ACTL6B: variants seen among roughly 807,000 people sequenced by gnomAD.
The protein encoded by ACTL6B is actin-like protein 6B.
Under a neutral mutation model 63.3 loss-of-function variants are expected in ACTL6B, and 48 were observed. The observed-to-expected ratio is 0.76, with a 90% CI of 0.60 to 0.96. The LOEUF (loss-of-function observed/expected upper bound fraction) is 0.96. Among genes scored for constraint, ACTL6B ranks in the 50% least tolerant of loss-of-function variants. The pLI, the probability that ACTL6B is intolerant of heterozygous loss-of-function variation, is 0.00. For missense variants in ACTL6B, 350 were observed against 572.2 expected (o/e 0.61, Z 3.96); for synonymous variants, 230 against 223.8 (o/e 1.03, Z -0.25).
rs936971098 is a variant in ACTL6B, at chr7:100,650,266, T to C, written c.370-131A>G. The C allele has an allele frequency of 4.7e-5, 33 of 700,574 alleles. No homozygotes were observed. The African/African-American group carries it at 5.7e-4, about 12-fold the overall frequency. 43.4% of individuals were successfully genotyped at this position (700,574 alleles called of 1,614,324 possible). The stretch of plus-strand genomic sequence containing the variant: ...ACACATCCAAACACTTGCACACACA[T>C]ACACAACCTAAACACTCACACATAC... On this transcript the variant is annotated intron_variant, in intron 4 of 13. Coordinates refer to ENST00000160382, the MANE Select transcript of ACTL6B (RefSeq NM_016188.5).
chr7:100,646,406 G>A lies in ACTL6B; in HGVS notation c.1114-71C>T. The A allele has an allele frequency of 6.4e-7, 1 of 1,563,580 alleles. No homozygotes were observed. The highest frequency in any genetic ancestry group is 8.8e-7 in the Non-Finnish European group (1 of 1,141,228). On this transcript the variant is annotated intron_variant, in intron 12 of 13. Transcript: ENST00000160382. The surrounding 1 kb of genome is among the most constrained non-coding windows in gnomAD (Gnocchi z 6.1). Reference sequence around the variant, plus strand: ...GAAGGGACAGGGCTTGGGGGAGAGGGGAAGACTTGGGAAGCCACAGGGGCA... The same window carrying A: ...GAAGGGACAGGGCTTGGGGGAGAGGAGAAGACTTGGGAAGCCACAGGGGCA...
intron 4 of ACTL6B, among the ~76,000 whole-genome samples, chr7:100,654,712 G>A (rs1237073495): frequency 6.6e-6 from 1 of 151,680 alleles, no homozygotes; most frequent in African/African-American, 2.4e-5. Context: ...ATGTCGGGAG[G>A]CAGAGGCTGA....
At position 100,646,134 on chromosome 7, in the gene ACTL6B, A is replaced by G; in HGVS notation, c.1200+115T>C. On this transcript the variant is annotated intron_variant, in intron 13 of 13. Coordinates refer to ENST00000160382, the MANE Select transcript of ACTL6B (RefSeq NM_016188.5). The surrounding 1 kb of genome is among the most constrained non-coding windows in gnomAD (Gnocchi z 6.1). ...ACATTCATTGACTGACATTTCTCAA[A>G]ACTAAATGTTTGTTGAATGAATGAA... 1.0e-6 allele frequency: 1 copy of G among 990,502 alleles called. No homozygotes were observed. The highest frequency in any genetic ancestry group is 2.6e-5 in the East Asian group (1 of 38,118). 61.4% of individuals were successfully genotyped at this position (990,502 alleles called of 1,614,324 possible). A position where few individuals can be genotyped will look rare whatever the true frequency, so the allele number is the denominator to read the frequency against.
At position 100,646,898 on chromosome 7, in the gene ACTL6B, C is replaced by G; in HGVS notation, c.937-67G>C. 6.2e-7 allele frequency: 1 copy of G among 1,600,886 alleles called. No individual in the cohort carries two copies. Among genetic ancestry groups the G allele is most frequent in the Non-Finnish European group, 8.5e-7 (1 of 1,171,190 alleles). ...TCCCCCCAGACCCCTGCAATCCTTC[C>G]CAGCCTCCCCCACGCCCCAGGATCC... On this transcript the variant is annotated intron_variant, in intron 10 of 13. Transcript: ENST00000160382. The surrounding 1 kb of genome is among the most constrained non-coding windows in gnomAD (Gnocchi z 6.1).
At position 100,646,908 on chromosome 7, in the gene ACTL6B, C is replaced by T; in HGVS notation, c.936+63G>A. The T allele has an allele frequency of 6.2e-7, 1 of 1,602,566 alleles. No homozygotes were observed. Among genetic ancestry groups the T allele is most frequent in the Non-Finnish European group, 8.5e-7 (1 of 1,171,568 alleles). On this transcript the variant is annotated intron_variant, in intron 10 of 13. Transcript: ENST00000160382. The surrounding 1 kb of genome is among the most constrained non-coding windows in gnomAD (Gnocchi z 6.1). Reference sequence around the variant, plus strand: ...CCCCTGCAATCCTTCCCAGCCTCCCCCACGCCCCAGGATCCAGGGACTGCA... The same window carrying T: ...CCCCTGCAATCCTTCCCAGCCTCCCTCACGCCCCAGGATCCAGGGACTGCA...
At chr7:100,643,662 TAC>T (rs1011683056) in intron 13 of ACTL6B, among the ~76,000 whole-genome samples, 3 of 151,940 alleles carry the variant, frequency 2.0e-5, no homozygotes, top group African/African-American at 7.2e-5. Context: ...CAACACCCCC[TAC>T]ACACACACAG....
At position 100,647,377 on chromosome 7, in the gene ACTL6B, G is replaced by T; in HGVS notation, c.759+67C>A. Reference sequence around the variant, plus strand: ...CTCCCTGCTCCCCCTCCCATGCGGGGCCTCTGTCCCGCCCCCGATTCATGG... The same window carrying T: ...CTCCCTGCTCCCCCTCCCATGCGGGTCCTCTGTCCCGCCCCCGATTCATGG... On this transcript the variant is annotated intron_variant, in intron 8 of 13. Transcript: ENST00000160382. This position sits in a 1 kb window ranked among gnomAD's most constrained non-coding sequence, Gnocchi z 4.4. 2.5e-6 allele frequency: 4 copies of T among 1,598,294 alleles called. No individual in the cohort carries two copies. The highest frequency in any genetic ancestry group is 3.4e-6 in the Non-Finnish European group (4 of 1,167,026).
rs749283208 is a variant in ACTL6B at position 100,655,544 on chromosome 7, C to A, written c.145G>T (p.Gly49Trp). 2 of 1,613,958 alleles carry A rather than the reference C, an allele frequency of 1.2e-6. No homozygotes were observed. The highest frequency in any genetic ancestry group is 1.1e-5 in the South Asian group (1 of 91,068). Residue 49 changes from glycine to tryptophan, a missense_variant, in exon 3 of 14, where the codon GGG becomes TGG. Around this residue, in one of 3 missense-constraint regions of ACTL6B, gnomAD observed 250 missense variants for 364.7 expected, o/e 0.69. Transcript: ENST00000160382. The surrounding 1 kb of genome is among the most constrained non-coding windows in gnomAD (Gnocchi z 4.4). ...TTVGLLAAEE[G>W]GGLELEGDKE... Reference sequence around the variant, plus strand: ...TCCCCCTCCAGCTCCAGCCCGCCCCCCTCCTCCGCGGCCAGCAGCCCCACT... The same window carrying A: ...TCCCCCTCCAGCTCCAGCCCGCCCCACTCCTCCGCGGCCAGCAGCCCCACT...
chr7:100,643,789 C>G (rs548895736), intron 13 of ACTL6B, among the ~76,000 whole-genome samples: 3 of 152,210 alleles, frequency 2.0e-5, no homozygotes, highest in African/African-American at 4.8e-5. Context: ...ACTGTGGCAC[C>G]CCATCTGCAG....
chr7:100,645,818 G>C (rs1361563598), intron 13 of ACTL6B, among the ~76,000 whole-genome samples: 1 of 152,154 alleles, frequency 6.6e-6, no homozygotes, highest in Non-Finnish European at 1.5e-5. Context: ...TTTTAGTAGA[G>C]ACAAGGTTTC....
chr7:100,646,856 G>C lies in ACTL6B; in HGVS notation c.937-25C>G. 6.2e-7 allele frequency: 1 copy of C among 1,606,972 alleles called. No individual in the cohort carries two copies. The stretch of plus-strand genomic sequence containing the variant: ...CCTGCAGAGAGAGGTGACTGGGGCT[G>C]TGGGCTCTCTCCCCCTTCCCCCCAG... On this transcript the variant is annotated intron_variant, in intron 10 of 13. Coordinates refer to ENST00000160382, the MANE Select transcript of ACTL6B (RefSeq NM_016188.5). This position sits in a 1 kb window ranked among gnomAD's most constrained non-coding sequence, Gnocchi z 6.1.
At position 100,655,266 on chromosome 7, in the gene ACTL6B, GC is replaced by G; in HGVS notation, c.269-148del. The G allele has an allele frequency of 8.3e-7, 1 of 1,201,972 alleles. No homozygotes were observed. 74.5% of individuals were successfully genotyped at this position (1,201,972 alleles called of 1,614,324 possible). A position where few individuals can be genotyped will look rare whatever the true frequency, so the allele number is the denominator to read the frequency against. Reference sequence around the variant, plus strand: ...GCCCCCCTTCCCAGAAACCTGGTGGGCCCCTGGGAAGGGAACCCAGCGAGAA... The same window carrying G: ...GCCCCCCTTCCCAGAAACCTGGTGGGCCCTGGGAAGGGAACCCAGCGAGAA... On this transcript the variant is annotated intron_variant, in intron 3 of 13. Coordinates refer to ENST00000160382, the MANE Select transcript of ACTL6B (RefSeq NM_016188.5). This position sits in a 1 kb window ranked among gnomAD's most constrained non-coding sequence, Gnocchi z 4.4.
intron 13 of ACTL6B, among the ~76,000 whole-genome samples, chr7:100,643,985 C>T (rs553873533): frequency 2.6e-5 from 4 of 152,040 alleles, no homozygotes; most frequent in Non-Finnish European, 4.4e-5. Flanking sequence ...CTGCAGCCTC[C>T]GCCTCCCAGG....
At position 100,655,127 on chromosome 7, in the gene ACTL6B, CAGA is replaced by C. The variant is rs1308096126; in HGVS notation, c.269-11_269-9del. The C allele has an allele frequency of 6.2e-7, 1 of 1,608,994 alleles. No homozygotes were observed. Among genetic ancestry groups the C allele is most frequent in the East Asian group, 2.2e-5 (1 of 44,844 alleles). ...AGCACTCCCAGTCCTCGACTGGGGC[CAGA>C]AGAGCAGCGTGCAGAGACGCAAGAA... On this transcript the variant is annotated splice_polypyrimidine_tract_variant and intron_variant, in intron 3 of 13. Transcript: ENST00000160382. This position sits in a 1 kb window ranked among gnomAD's most constrained non-coding sequence, Gnocchi z 4.4.
Position 100,647,681 on chromosome 7 carries a change from G to A in ACTL6B, c.670-148C>T, listed in dbSNP as rs988377689. On this transcript the variant is annotated intron_variant, in intron 7 of 13. Transcript: ENST00000160382. The surrounding 1 kb of genome is among the most constrained non-coding windows in gnomAD (Gnocchi z 4.4). Reference sequence around the variant, plus strand: ...GAGGGGTTTCTCACCCTTCCCTGATGGAGAGGAGAGAGAATGGGGCATGCC... The same window carrying A: ...GAGGGGTTTCTCACCCTTCCCTGATAGAGAGGAGAGAGAATGGGGCATGCC... 3.1e-5 allele frequency: 19 copies of A among 607,124 alleles called. No individual in the cohort carries two copies. The African/African-American group carries it at 3.3e-4, about 11-fold the overall frequency. The allele number at this position is 607,124 out of a possible 1,614,324, so 37.6% of individuals were successfully genotyped here. A position where few individuals can be genotyped will look rare whatever the true frequency, so the allele number is the denominator to read the frequency against.
intron 13 of ACTL6B, among the ~76,000 whole-genome samples, chr7:100,645,168 TCC>T (rs1199857985): frequency 1.3e-5 from 2 of 152,276 alleles, no homozygotes; most frequent in African/African-American, 4.8e-5. Context: ...GGTTTCTGTC[TCC>T]CTGGGGGACT....
chr7:100,643,516 T>C (rs1803762440), intron 13 of ACTL6B, among the ~76,000 whole-genome samples, 190 bp from the exon 14 acceptor site: 1 of 152,174 alleles, frequency 6.6e-6, no homozygotes, highest in Admixed American at 6.5e-5. Context: ...GAGTATCCTC[T>C]TCATATCATT....
In ACTL6B at chr7:100,646,145, T is replaced by G; in HGVS notation, c.1200+104A>C. 1 of 1,002,462 alleles carries G rather than the reference T, an allele frequency of 1.0e-6. No homozygotes were observed. Among genetic ancestry groups the G allele is most frequent in the Non-Finnish European group, 1.5e-6 (1 of 645,918 alleles). The allele number at this position is 1,002,462 out of a possible 1,614,324, so 62.1% of individuals were successfully genotyped here. A position where few individuals can be genotyped will look rare whatever the true frequency, so the allele number is the denominator to read the frequency against. On this transcript the variant is annotated intron_variant, in intron 13 of 13. Coordinates refer to ENST00000160382, the MANE Select transcript of ACTL6B (RefSeq NM_016188.5). This position sits in a 1 kb window ranked among gnomAD's most constrained non-coding sequence, Gnocchi z 6.1. ...CTGACATTTCTCAAAACTAAATGTT[T>G]GTTGAATGAATGAATGAACGAAGAG...
Position 100,650,057 on chromosome 7 carries a change from T to C in ACTL6B, c.448A>G (p.Lys150Glu), listed in dbSNP as rs1803907200. 6.2e-7 allele frequency: 1 copy of C among 1,613,932 alleles called. No homozygotes were observed. Among genetic ancestry groups the C allele is most frequent in the Non-Finnish European group, 8.5e-7 (1 of 1,179,974 alleles). Residue 150 changes from lysine to glutamate, a missense_variant, in exon 5 of 14, where the codon AAG becomes GAG. Around this residue, in one of 3 missense-constraint regions of ACTL6B, gnomAD observed 250 missense variants for 364.7 expected, o/e 0.69. Transcript: ENST00000160382. Reference protein sequence around the residue: ...QYNIPAFFLCKTAVLTAFANG... With the variant: ...QYNIPAFFLCETAVLTAFANG... ...GGATACGCGGTGAGCACAGCCGTCT[T>C]GCATAAGAAGAAGGCAGGAATGTTG...
Sources: allele counts gnomAD v4.1 joint callset (sites outside exome capture counted in the v4.1 genomes callset), GRCh38; gene constraint gnomAD v4.1.1; regional missense constraint gnomAD v4.1.1; non-coding constraint Gnocchi (gnomAD v3.1); transcripts MANE v1.5; gene names NCBI Gene and HGNC (gene_info 2026-07-23, HGNC 2026-07-21).